The following VPS13B variants were observed in gnomAD, a reference collection of about 807,000 sequenced individuals.
VPS13B encodes the protein vacuolar protein sorting 13 homolog B.
Under a neutral mutation model 426.4 loss-of-function variants are expected in VPS13B, and 285 were observed. That is an observed-to-expected ratio of 0.67 (90% CI 0.61 to 0.74). The LOEUF is 0.74. Among genes scored for constraint, VPS13B ranks in the 30% least tolerant of loss-of-function variants. The probability of loss-of-function intolerance (pLI) is 0.00; values close to 1 mark genes in which losing one functional copy is unlikely to be tolerated. For missense variants in VPS13B, 4,537 were observed against 4,782.6 expected (o/e 0.95, Z 1.51); for synonymous variants, 1,676 against 1,676.4 (o/e 1.00, Z 0.01).
intron 25 of VPS13B, among the ~76,000 whole-genome samples, chr8:99,482,502 AG>A (rs1215324046): frequency 2.6e-5 from 4 of 152,230 alleles, no homozygotes; most frequent in Non-Finnish European, 4.4e-5. Flanking sequence ...TGACTACATT[AG>A]AAGACATAAC....
chr8:99,438,841 G>A (rs942363219), intron 22 of VPS13B, among the ~76,000 whole-genome samples: 7 of 152,126 alleles, frequency 4.6e-5, no homozygotes, highest in Non-Finnish European at 1.0e-4. Context: ...TAGTGAAACC[G>A]TAAGCAACAG....
rs138425758 is a variant in VPS13B, at chr8:99,750,260, TTA to T, written c.7051-16510_7051-16509del. On this transcript the variant is annotated intron_variant, in intron 39 of 61. Transcript: ENST00000357162. ...GGACATTTGTGAATTTATGTTACTT[TTA>T]TATGTTTATTTCTTGACCCTTCCTC... 2.3e-3 allele frequency among the ~76,000 whole-genome samples: 352 copies of T among 152,210 alleles called. 10 individuals are homozygous for T. The East Asian group carries it at 0.048, about 21-fold the overall frequency.
intron 19 of VPS13B, among the ~76,000 whole-genome samples, chr8:99,364,220 C>T (rs1812713242): frequency 6.6e-6 from 1 of 152,148 alleles, no homozygotes; most frequent in African/African-American, 2.4e-5. Flanking sequence ...TTGAAATGAT[C>T]ATATGGTTTT....
chr8:99,345,297 C>A (rs1811478293), intron 19 of VPS13B, among the ~76,000 whole-genome samples: 1 of 152,222 alleles, frequency 6.6e-6, no homozygotes, highest in East Asian at 1.9e-4. Flanking sequence ...TCTTCTAGAG[C>A]AAATCTGCCC....
chr8:99,663,040 G>C (rs1189127653), intron 35 of VPS13B, among the ~76,000 whole-genome samples: 1 of 152,100 alleles, frequency 6.6e-6, no homozygotes, highest in Non-Finnish European at 1.5e-5. Flanking sequence ...TTGGGCAACA[G>C]AGCAAGACTC....
At chr8:99,457,588 G>C (rs1370646942) in intron 23 of VPS13B, among the ~76,000 whole-genome samples, 2 of 149,874 alleles carry the variant, frequency 1.3e-5, no homozygotes, top group Non-Finnish European at 3.0e-5. Context: ...TCATTTCATT[G>C]ATTTCAGCTC....
intron 16 of VPS13B, among the ~76,000 whole-genome samples, chr8:99,182,141 G>A (rs1812976530): frequency 6.6e-6 from 1 of 151,848 alleles, no homozygotes; most frequent in Non-Finnish European, 1.5e-5. Flanking sequence ...AATAAATTGT[G>A]GTATATTTAA....
chr8:99,336,452 G>A (rs1244476787), intron 19 of VPS13B, among the ~76,000 whole-genome samples: 1 of 152,116 alleles, frequency 6.6e-6, no homozygotes, highest in East Asian at 1.9e-4. Flanking sequence ...ACATAGGCAT[G>A]GGCAAGGACT....
intron 25 of VPS13B, among the ~76,000 whole-genome samples, chr8:99,487,443 G>T (rs1157623368): frequency 6.6e-6 from 1 of 151,412 alleles, no homozygotes; most frequent in Non-Finnish European, 1.5e-5. Context: ...TTAAATTGTG[G>T]TAAAAAAATA....
chr8:99,049,213 A>G (rs1473512862), intron 3 of VPS13B, among the ~76,000 whole-genome samples: 1 of 151,340 alleles, frequency 6.6e-6, no homozygotes, highest in African/African-American at 2.4e-5. Flanking sequence ...TGTTGCCTGT[A>G]TACCTTTTTT....
chr8:99,560,290 G>A (rs1824836233), intron 31 of VPS13B, among the ~76,000 whole-genome samples: 1 of 152,112 alleles, frequency 6.6e-6, no homozygotes, highest in South Asian at 2.1e-4. Context: ...TTGCTTATCA[G>A]CTTAAGGAGA....
At chr8:99,349,105 G>A (rs960561998) in intron 19 of VPS13B, among the ~76,000 whole-genome samples, 1 of 150,894 alleles carries the variant, frequency 6.6e-6, no homozygotes, top group African/African-American at 2.4e-5. Context: ...AGGCCGAGGC[G>A]GGCGGATCAC....
intron 22 of VPS13B, among the ~76,000 whole-genome samples, chr8:99,437,403 T>A (rs565861635): frequency 2.1e-4 from 32 of 149,058 alleles, no homozygotes; most frequent in East Asian, 1.2e-3. Flanking sequence ...GTCTTTTTTT[T>A]TAAAAAAAAA....
intron 39 of VPS13B, among the ~76,000 whole-genome samples, chr8:99,735,120 G>A (rs1005208593): frequency 6.6e-6 from 1 of 152,148 alleles, no homozygotes; most frequent in Non-Finnish European, 1.5e-5. Context: ...TCATGGAAGT[G>A]AAAAGTGAAG....
chr8:99,285,446 A>T (rs1014630920), intron 19 of VPS13B, among the ~76,000 whole-genome samples: 1 of 152,196 alleles, frequency 6.6e-6, no homozygotes, highest in Admixed American at 6.6e-5. Flanking sequence ...TAGCTTCATT[A>T]GTAAGTAGTA....
At chr8:99,031,319 A>T (rs576332692) in intron 2 of VPS13B, among the ~76,000 whole-genome samples, 1 of 152,260 alleles carries the variant, frequency 6.6e-6, no homozygotes, top group African/African-American at 2.4e-5. Flanking sequence ...TTGTTGAATT[A>T]ACTATCTGTA....
At chr8:99,691,723 CT>C (rs1442539317) in intron 35 of VPS13B, among the ~76,000 whole-genome samples, 1 of 147,792 alleles carries the variant, frequency 6.8e-6, no homozygotes, top group Non-Finnish European at 1.5e-5. Context: ...GGACTAAATG[CT>C]CCAATTAAAA....
chr8:99,828,192 G>A (rs1251934709), intron 51 of VPS13B, among the ~76,000 whole-genome samples: 1 of 151,898 alleles, frequency 6.6e-6, no homozygotes, highest in African/African-American at 2.4e-5. Context: ...CCACAATTAT[G>A]GTGTGGGAGT....
rs1833152650 is a variant in VPS13B at position 99,722,020 on chromosome 8, TAGAACAAAATTC to T, written c.7050+977_7050+988del. Among the ~76,000 whole-genome samples, 8 of 152,328 alleles carry T rather than the reference TAGAACAAAATTC, an allele frequency of 5.3e-5. No homozygotes were observed. The South Asian group carries it at 1.7e-3, about 32-fold the overall frequency. On this transcript the variant is annotated intron_variant, in intron 39 of 61. Coordinates refer to ENST00000357162, the MANE Select transcript of VPS13B (RefSeq NM_152564.5). ...CCCTGTGGTGACTTCCTCTAATACT[TAGAACAAAATTC>T]AGATCTCTTGCTGTGGCCTGCAAGG...
Sources: allele counts gnomAD v4.1 joint callset (sites outside exome capture counted in the v4.1 genomes callset), GRCh38; gene constraint gnomAD v4.1.1; transcripts MANE v1.5; gene names NCBI Gene and HGNC (gene_info 2026-07-23, HGNC 2026-07-21).